Variants in CDH23 observed in about 807,000 individuals in gnomAD.
CDH23 encodes the protein cadherin related 23.
A neutral mutation model predicts 317.1 loss-of-function variants in CDH23; 189 were observed. That is an observed-to-expected ratio of 0.60 (90% CI 0.53 to 0.67). The LOEUF (loss-of-function observed/expected upper bound fraction) is 0.67, where lower values mean the gene tolerates loss of function less well. CDH23 is among the 30% of genes least tolerant of loss of function. The pLI is 0.00. For missense variants in CDH23, 4,401 were observed against 4,592.4 expected (o/e 0.96, Z 1.20); for synonymous variants, 1,839 against 1,876.8 (o/e 0.98, Z 0.52).
At chr10:71,809,743 C>A in intron 60 of CDH23, 77 bp from the exon 61 acceptor site, 1 of 1,559,198 alleles carries the variant, frequency 6.4e-7, no homozygotes, top group Non-Finnish European at 8.7e-7. Flanking sequence ...GCCCACCTAC[C>A]CCAGGGCTCA....
At chr10:71,526,957 CGG>C (rs1392784484) in intron 6 of CDH23, among the ~76,000 whole-genome samples, 2 of 152,142 alleles carry the variant, frequency 1.3e-5, no homozygotes, top group African/African-American at 4.8e-5. Flanking sequence ...TCTCGAGTGT[CGG>C]GCGCATGTGG....
chr10:71,812,627 A>G lies in CDH23; in HGVS notation c.9510+18A>G. The G allele has an allele frequency of 2.5e-6, 4 of 1,602,176 alleles. No homozygotes were observed. In the Middle Eastern group the frequency reaches 6.7e-4, roughly 266 times the overall value. On this transcript the variant is annotated intron_variant, in intron 67 of 69. Coordinates refer to ENST00000224721, the MANE Select transcript of CDH23 (RefSeq NM_022124.6). ...GCACCCATGTGAGCCAGAGGCGGTC[A>G]GGCATCACAAGGGGCAGGGGTGGAG...
At chr10:71,420,377 T>G (rs905091804) in intron 1 of CDH23, among the ~76,000 whole-genome samples, 1 of 53,672 alleles carries the variant, frequency 1.9e-5, no homozygotes, top group African/African-American at 6.8e-5. Flanking sequence ...CAGTAGTCTA[T>G]GCACACACAT....
In CDH23 at chr10:71,751,792, T is replaced by G. The variant is rs1264344847; in HGVS notation, c.4845+9871T>G. 6.3e-7 allele frequency: 1 copy of G among 1,598,782 alleles called. No individual in the cohort carries two copies. Among genetic ancestry groups the G allele is most frequent in the Non-Finnish European group, 8.5e-7 (1 of 1,172,340 alleles). On this transcript the variant is annotated intron_variant, in intron 38 of 69. Transcript: ENST00000224721. The surrounding 1 kb of genome is among the most constrained non-coding windows in gnomAD (Gnocchi z 4.9). ...CCACATAGGACAGGGGGTGCCTGACTTTGGCCTCGGGTATCCCCTGGGCAG... is the reference window on the plus strand; with the variant it reads ...CCACATAGGACAGGGGGTGCCTGACGTTGGCCTCGGGTATCCCCTGGGCAG...
chr10:71,684,589 C>T (rs552191308), intron 18 of CDH23, among the ~76,000 whole-genome samples: 136 of 152,202 alleles, frequency 8.9e-4, no homozygotes, highest in Non-Finnish European at 1.7e-3. Context: ...TGGTGGTAAT[C>T]GTGATACCTG....
intron 1 of CDH23, among the ~76,000 whole-genome samples, chr10:71,407,175 G>T (rs1020942416): frequency 6.6e-6 from 1 of 152,188 alleles, no homozygotes; most frequent in African/African-American, 2.4e-5. Context: ...CTTACAGAAG[G>T]CCAGAGCCAA....
intron 3 of CDH23, 65 bp downstream of exon 3, chr10:71,446,460 A>G (rs1850174337): frequency 5.4e-6 from 8 of 1,474,792 alleles, no homozygotes; most frequent in South Asian, 4.5e-5. Flanking sequence ...CCCACAAGTG[A>G]AGGGGATCTT....
chr10:71,478,330 T>C (rs550091068), intron 3 of CDH23, among the ~76,000 whole-genome samples: 1 of 152,352 alleles, frequency 6.6e-6, no homozygotes, highest in African/African-American at 2.4e-5. Context: ...CACAGTTCTA[T>C]TGATGCATCA....
intron 3 of CDH23, among the ~76,000 whole-genome samples, chr10:71,479,435 A>G (rs1443620284): frequency 6.6e-6 from 1 of 152,062 alleles, no homozygotes; most frequent in Admixed American, 6.5e-5. Flanking sequence ...GTGAGAGGGG[A>G]AGGGACTGCG....
chr10:71,807,632 C>T lies in CDH23; in HGVS notation c.8425C>T (p.Arg2809Cys), dbSNP rs777428282. ...CTTCATCGTCAAGGCCTCCAGCAAT[C>T]GCAGCTGGACACCTCCCCGTGGACC... ...FSFIVKASSN[R>C]SWTPPRGPSP... Residue 2809 changes from arginine to cysteine, a missense_variant, in exon 59 of 70, where the codon CGC becomes TGC. By Grantham distance (180) the Arg-to-Cys change is radical. This residue lies in a region of CDH23 where 1,144 missense variants were observed against 1,138.2 expected (regional missense o/e 1.01). Coordinates refer to ENST00000224721, the MANE Select transcript of CDH23 (RefSeq NM_022124.6). 24 of 1,613,862 alleles carry T rather than the reference C, an allele frequency of 1.5e-5. No homozygotes were observed. The highest frequency in any genetic ancestry group is 2.2e-5 in the East Asian group (1 of 44,888).
At position 71,690,587 on chromosome 10, in the gene CDH23, G is replaced by A. The variant is rs369606279; in HGVS notation, c.2176+3G>A. 2.5e-6 allele frequency: 4 copies of A among 1,579,672 alleles called. No homozygotes were observed. Among genetic ancestry groups the A allele is most frequent in the Non-Finnish European group, 3.4e-6 (4 of 1,160,050 alleles). ...GTTTCGGATCAATGCCCGCTCAGGTGAGCCCCCCCACCCCAAGTACCCTGG... is the reference window on the plus strand; with the variant it reads ...GTTTCGGATCAATGCCCGCTCAGGTAAGCCCCCCCACCCCAAGTACCCTGG... On this transcript the variant is annotated splice_donor_region_variant and intron_variant, in intron 20 of 69. Transcript: ENST00000224721.
At chr10:71,728,076 G>A (rs1025168158) in intron 30 of CDH23, among the ~76,000 whole-genome samples, 2 of 152,138 alleles carry the variant, frequency 1.3e-5, no homozygotes, top group African/African-American at 2.4e-5. Context: ...AACCCTTGGA[G>A]TCAAGGTCAT....
At chr10:71,505,346 T>G (rs116447476) in intron 3 of CDH23, among the ~76,000 whole-genome samples, 1 of 152,202 alleles carries the variant, frequency 6.6e-6, no homozygotes, top group African/African-American at 2.4e-5. Context: ...GAATTTTATC[T>G]AGAAAAGAAG....
rs768842900 is a variant in CDH23 at position 71,734,346 on chromosome 10, G to A, written c.4206+5G>A. 24 of 1,603,092 alleles carry A rather than the reference G, an allele frequency of 1.5e-5. No homozygotes were observed. The South Asian group carries it at 2.2e-4, about 15-fold the overall frequency. On this transcript the variant is annotated splice_donor_5th_base_variant and intron_variant, in intron 33 of 69. Transcript: ENST00000224721. ...CCCAAGGTGGACTCCACCGTGGTGA[G>A]TGGGACCAGGGTGAGAGTCCCTCAG...
In CDH23 at chr10:71,690,500, C is replaced by A. The variant is rs1865146772; in HGVS notation, c.2092C>A (p.Leu698Met). 1 of 1,610,554 alleles carries A rather than the reference C, an allele frequency of 6.2e-7. No homozygotes were observed. Among genetic ancestry groups the A allele is most frequent in the African/African-American group, 1.3e-5 (1 of 74,850 alleles). Residue 698 changes from leucine to methionine, a missense_variant, in exon 20 of 70, where the codon CTG becomes ATG. By Grantham distance (15) the Leu-to-Met change is conservative (BLOSUM62 2). Around this residue, in one of 3 missense-constraint regions of CDH23, gnomAD observed 3,068 missense variants for 3,203.3 expected, o/e 0.96. Transcript: ENST00000224721. ...GGTGCTGTTCCTGAATGCCACAGAC[C>A]TGGACCGCTCCCGGGAGTACGGCCA... ...ATVLFLNATD[L>M]DRSREYGQES...
At chr10:71,520,862 C>A (rs924771410) in intron 6 of CDH23, among the ~76,000 whole-genome samples, 1 of 152,216 alleles carries the variant, frequency 6.6e-6, no homozygotes, top group Non-Finnish European at 1.5e-5. Context: ...GGAGGCCCAC[C>A]ACACAATAGG....
At chr10:71,542,458 G>A (rs1374181979) in intron 6 of CDH23, among the ~76,000 whole-genome samples, 1 of 152,214 alleles carries the variant, frequency 6.6e-6, no homozygotes, top group Non-Finnish European at 1.5e-5. Flanking sequence ...CTGTGCTTAA[G>A]GATTCTTGGT....
At position 71,815,204 on chromosome 10, in the gene CDH23, T is replaced by C. The variant is rs749855152; in HGVS notation, c.9991T>C (p.Ser3331Pro). Residue 3331 changes from serine (S) to proline (P), a missense_variant, in exon 70 of 70, where the codon TCC becomes CCC. This residue lies in a region of CDH23 where 1,144 missense variants were observed against 1,138.2 expected (regional missense o/e 1.01). Coordinates refer to ENST00000224721, the MANE Select transcript of CDH23 (RefSeq NM_022124.6). ...TAFERNARTE[S>P]AKSTPLHKLR... ...CTTCGAGCGCAACGCCCGCACAGAA[T>C]CCGCCAAATCCACACCCCTGCACAA... The C allele has an allele frequency of 1.3e-5, 21 of 1,605,906 alleles. No homozygotes were observed. In the South Asian group the frequency reaches 2.1e-4, roughly 16 times the overall value.
intron 38 of CDH23, chr10:71,753,938 G>A: frequency 2.2e-6 from 1 of 452,856 alleles, no homozygotes; most frequent in Non-Finnish European, 4.5e-6. Context: ...ACCCTTTGGG[G>A]TGAGGGTTGT....
Sources: allele counts gnomAD v4.1 joint callset (sites outside exome capture counted in the v4.1 genomes callset), GRCh38; gene constraint gnomAD v4.1.1; regional missense constraint gnomAD v4.1.1; non-coding constraint Gnocchi (gnomAD v3.1); transcripts MANE v1.5; gene names NCBI Gene and HGNC (gene_info 2026-07-23, HGNC 2026-07-21).